Variants in IGF1R observed in about 807,000 individuals in gnomAD.
IGF1R encodes the protein insulin like growth factor 1 receptor.
IGF1R carries 44 observed loss-of-function variants against 144.6 expected under a neutral mutation model. The ratio of observed to expected loss-of-function variants is 0.30; its 90% CI spans 0.24 to 0.39. The LOEUF (loss-of-function observed/expected upper bound fraction) is 0.39, where lower values mean the gene tolerates loss of function less well. Among genes scored for constraint, IGF1R ranks in the 10% least tolerant of loss-of-function variants. IGF1R has a pLI of 1.00. For missense variants in IGF1R, 1,355 were observed against 1,833.7 expected (o/e 0.74, Z 4.77); for synonymous variants, 795 against 722.8 (o/e 1.10, Z -1.60).
At chr15:98,733,785 C>T (rs886874466) in intron 2 of IGF1R, among the ~76,000 whole-genome samples, 2 of 152,092 alleles carry the variant, frequency 1.3e-5, no homozygotes, top group Admixed American at 6.5e-5. Context: ...GCTTGGGATC[C>T]CAAATAATCT....
chr15:98,862,571 T>C (rs745750308), intron 2 of IGF1R, among the ~76,000 whole-genome samples: 1 of 152,238 alleles, frequency 6.6e-6, no homozygotes, highest in Non-Finnish European at 1.5e-5. Context: ...GGGATTCACC[T>C]TATTTATTAA....
intron 2 of IGF1R, among the ~76,000 whole-genome samples, chr15:98,740,076 T>C (rs1567104235): frequency 6.6e-6 from 1 of 152,228 alleles, no homozygotes; most frequent in Admixed American, 6.5e-5. Flanking sequence ...TTTCAGAGCA[T>C]GCGTAGATAG....
intron 1 of IGF1R, among the ~76,000 whole-genome samples, chr15:98,679,596 A>T (rs1349558454): frequency 6.6e-6 from 1 of 152,240 alleles, no homozygotes; most frequent in Admixed American, 6.5e-5. Flanking sequence ...CAGTCAGATG[A>T]AAGTGCAGCG....
At chr15:98,814,749 A>G (rs2056660001) in intron 2 of IGF1R, among the ~76,000 whole-genome samples, 1 of 152,192 alleles carries the variant, frequency 6.6e-6, no homozygotes, top group African/African-American at 2.4e-5. Flanking sequence ...CACTTAAATT[A>G]GAAGAGTGAA....
rs1218278245 is a variant in IGF1R at position 98,957,287 on chromosome 15, C to T, written c.3949C>T (p.Pro1317Ser). The T allele has an allele frequency of 1.2e-6, 2 of 1,613,712 alleles. No homozygotes were observed. Among genetic ancestry groups the T allele is most frequent in the African/African-American group, 1.3e-5 (1 of 74,942 alleles). ...PSASSSSLPL[P>S]DRHSGHKAEN... ...GGCCTCCTCGTCCTCCCTGCCACTGCCCGACAGACACTCAGGACACAAGGC... is the reference window on the plus strand; with the variant it reads ...GGCCTCCTCGTCCTCCCTGCCACTGTCCGACAGACACTCAGGACACAAGGC... Residue 1317 changes from proline (P) to serine (S), a missense_variant, in exon 21 of 21, where the codon CCC becomes TCC. Around this residue, in one of 7 missense-constraint regions of IGF1R, gnomAD observed 219 missense variants for 188.8 expected, o/e 1.16. Coordinates refer to ENST00000650285, the MANE Select transcript of IGF1R (RefSeq NM_000875.5).
intron 1 of IGF1R, among the ~76,000 whole-genome samples, chr15:98,676,101 A>G (rs942038360): frequency 2.6e-5 from 4 of 151,510 alleles, no homozygotes; most frequent in Admixed American, 6.6e-5. Context: ...AAGTGTTGGG[A>G]TTACAGACGT....
At chr15:98,852,832 C>A (rs1203600771) in intron 2 of IGF1R, among the ~76,000 whole-genome samples, 1 of 152,172 alleles carries the variant, frequency 6.6e-6, no homozygotes, top group Non-Finnish European at 1.5e-5. Flanking sequence ...CCTTTGACAC[C>A]CCGTCCTCCC....
In IGF1R at chr15:98,948,734, C is replaced by G. The variant is rs17847193; in HGVS notation, c.3722+26C>G. 2.5e-6 allele frequency: 4 copies of G among 1,613,084 alleles called. No individual in the cohort carries two copies. In the East Asian group the frequency reaches 8.9e-5, roughly 36 times the overall value. On this transcript the variant is annotated intron_variant, in intron 20 of 20. Transcript: ENST00000650285. The stretch of plus-strand genomic sequence containing the variant: ...GTACGTACTTCCTGGGCCCTCCGTG[C>G]TCTTCTGAGTTCTCTTCTCAAATAC...
rs372415725 is a variant in IGF1R at position 98,692,804 on chromosome 15, A to G, written c.95-14758A>G. 5.8e-4 allele frequency among the ~76,000 whole-genome samples: 89 copies of G among 152,266 alleles called. 4 individuals are homozygous for G. Among genetic ancestry groups the G allele is most frequent in the African/African-American group, 2.1e-3 (87 of 41,544 alleles). On this transcript the variant is annotated intron_variant, in intron 1 of 20. Transcript: ENST00000650285. ...GAGTCTGTTGTTTACCACCTGATAC[A>G]TTGGTAAGAGCTGCTTGATGGTATG... is the stretch of plus-strand genomic sequence containing the variant.
chr15:98,762,130 T>G (rs779785252), intron 2 of IGF1R, among the ~76,000 whole-genome samples: 2 of 152,234 alleles, frequency 1.3e-5, no homozygotes, highest in East Asian at 3.8e-4. Flanking sequence ...TGATATGTAA[T>G]CCTGCACATG....
At chr15:98,732,830 CACTG>C (rs1264577703) in intron 2 of IGF1R, among the ~76,000 whole-genome samples, 1 of 152,016 alleles carries the variant, frequency 6.6e-6, no homozygotes, top group African/African-American at 2.4e-5. Flanking sequence ...TTTTTGGAAA[CACTG>C]ACCTGGCTGC....
In IGF1R at chr15:98,888,424, T is replaced by TGA. The variant is rs773656677; in HGVS notation, c.641-2887_641-2886dup. On this transcript the variant is annotated intron_variant, in intron 2 of 20. Coordinates refer to ENST00000650285, the MANE Select transcript of IGF1R (RefSeq NM_000875.5). The stretch of plus-strand genomic sequence containing the variant: ...TAACTGTCTTCAAGTGGGGGTTTGA[T>TGA]GAGAGAGAGAGAGAGTGTGTGTGTG... 1.6e-3 allele frequency among the ~76,000 whole-genome samples: 233 copies of TGA among 144,868 alleles called. 1 individual carries two copies. The highest frequency in any genetic ancestry group is 5.2e-3 in the African/African-American group (204 of 39,034).
chr15:98,868,766 C>A (rs1034549483), intron 2 of IGF1R, among the ~76,000 whole-genome samples: 1 of 152,142 alleles, frequency 6.6e-6, no homozygotes, highest in Admixed American at 6.5e-5. Context: ...AATCTGACAG[C>A]GTATGCCAAG....
intron 2 of IGF1R, among the ~76,000 whole-genome samples, chr15:98,762,514 G>T (rs1444865405): frequency 6.6e-6 from 1 of 152,218 alleles, no homozygotes. Context: ...GATCACCTGA[G>T]GTCAGGAGTT....
chr15:98,651,864 C>A (rs2052375750), intron 1 of IGF1R, among the ~76,000 whole-genome samples: 1 of 151,638 alleles, frequency 6.6e-6, no homozygotes, highest in Non-Finnish European at 1.5e-5. Context: ...TCAGTACCTG[C>A]CCCTCCCTCC....
At chr15:98,925,270 G>A (rs1402224733) in intron 13 of IGF1R, among the ~76,000 whole-genome samples, 1 of 152,202 alleles carries the variant, frequency 6.6e-6, no homozygotes, top group Admixed American at 6.5e-5. Context: ...GTGAGTTTAT[G>A]CTCAAGTCAT....
rs1337108092 is a variant in IGF1R at position 98,963,190 on chromosome 15, G to T, written c.*5748G>T. On this transcript the variant is annotated 3_prime_UTR_variant, in exon 21 of 21. Coordinates refer to ENST00000650285, the MANE Select transcript of IGF1R (RefSeq NM_000875.5). ...AAAGACACTTTTTTTTTCTCTGTGTGTGCAAATGTGTGTTTGTGATCCATT... is the reference window on the plus strand; with the variant it reads ...AAAGACACTTTTTTTTTCTCTGTGTTTGCAAATGTGTGTTTGTGATCCATT... The T allele has an allele frequency of 4.4e-6, 1 of 226,742 alleles. No homozygotes were observed. Among genetic ancestry groups the T allele is most frequent in the Non-Finnish European group, 8.6e-6 (1 of 116,862 alleles). 14.0% of individuals were successfully genotyped at this position (226,742 alleles called of 1,614,324 possible). A position where few individuals can be genotyped will look rare whatever the true frequency, so the allele number is the denominator to read the frequency against.
chr15:98,961,757 C>T lies in IGF1R; in HGVS notation c.*4315C>T, dbSNP rs2017235296. The T allele has an allele frequency of 8.6e-6, 2 of 233,444 alleles. No homozygotes were observed. Among genetic ancestry groups the T allele is most frequent in the African/African-American group, 2.2e-5 (1 of 45,346 alleles). The allele number at this position is 233,444 out of a possible 1,614,324, so 14.5% of individuals were successfully genotyped here. A position where few individuals can be genotyped will look rare whatever the true frequency, so the allele number is the denominator to read the frequency against. On this transcript the variant is annotated 3_prime_UTR_variant, in exon 21 of 21. Transcript: ENST00000650285. ...TGAACTTGATCAAGACCCAGACCACCCCAGGTCTCCTTCGTGGGATGTCAT... is the reference window on the plus strand; with the variant it reads ...TGAACTTGATCAAGACCCAGACCACTCCAGGTCTCCTTCGTGGGATGTCAT...
chr15:98,852,528 T>TGCAGCAGGAGTATTAGGGAGGCGA (rs1567161857), intron 2 of IGF1R, among the ~76,000 whole-genome samples: 2 of 152,136 alleles, frequency 1.3e-5, no homozygotes, highest in African/African-American at 2.4e-5. Context: ...CCCGCAAGGA[T>TGCAGCAGGAGTATTAGGGAGGCGA]GCAGCAGGAG....
Sources: gnomAD v4.1 joint callset for allele counts (sites outside exome capture counted in the v4.1 genomes callset) on GRCh38, gnomAD v4.1.1 for gene constraint, gnomAD v4.1.1 regional missense constraint, MANE v1.5 for transcripts, NCBI Gene and HGNC (gene_info 2026-07-23, HGNC 2026-07-21) for gene names.